The following THSD7B variants were observed in gnomAD, a reference collection of about 807,000 sequenced individuals.
The protein encoded by THSD7B is thrombospondin type-1 domain-containing protein 7B.
THSD7B carries 138 observed loss-of-function variants against 213.6 expected under a neutral mutation model. That is an observed-to-expected ratio of 0.65 (90% CI 0.56 to 0.74). The LOEUF (loss-of-function observed/expected upper bound fraction) is 0.74, where lower values mean the gene tolerates loss of function less well. THSD7B is among the 30% of genes least tolerant of loss of function. The pLI, the probability that THSD7B is intolerant of heterozygous loss-of-function variation, is 0.00. For synonymous variants in THSD7B, 742 were observed against 687.0 expected (o/e 1.08, Z -1.25); for missense variants, 1,931 against 1,991.5 (o/e 0.97, Z 0.58).
At chr2:137,299,945 C>T (rs1276819720) in intron 12 of THSD7B, among the ~76,000 whole-genome samples, 1 of 152,096 alleles carries the variant, frequency 6.6e-6, no homozygotes, top group East Asian at 1.9e-4. Context: ...CATCTGTTCT[C>T]TCAATTAGGC....
intron 1 of THSD7B, among the ~76,000 whole-genome samples, chr2:136,848,388 A>C (rs1333411286): frequency 6.6e-6 from 1 of 152,250 alleles, no homozygotes; most frequent in African/African-American, 2.4e-5. Context: ...ATTTCTAACA[A>C]GTTTCCAGGT....
At chr2:137,314,105 C>T (rs1378718826) in intron 12 of THSD7B, among the ~76,000 whole-genome samples, 2 of 152,158 alleles carry the variant, frequency 1.3e-5, no homozygotes, top group Admixed American at 6.5e-5. Flanking sequence ...AGAGTGTTTT[C>T]CAACTTGGTT....
intron 12 of THSD7B, among the ~76,000 whole-genome samples, chr2:137,397,653 T>A (rs1686227688): frequency 1.3e-5 from 2 of 151,364 alleles, no homozygotes; most frequent in Admixed American, 6.6e-5. Context: ...TTGGAGTTGC[T>A]CTTCTCGAGG....
intron 1 of THSD7B, among the ~76,000 whole-genome samples, chr2:136,832,918 C>T (rs1471295013): frequency 2.0e-5 from 3 of 152,142 alleles, no homozygotes; most frequent in Non-Finnish European, 4.4e-5. Flanking sequence ...CTCACTCTTA[C>T]GTTTGCTTTA....
chr2:136,926,222 C>T (rs1021223879), intron 2 of THSD7B, among the ~76,000 whole-genome samples: 1 of 152,080 alleles, frequency 6.6e-6, no homozygotes, highest in Non-Finnish European at 1.5e-5. Flanking sequence ...CTCATCTTTT[C>T]CCCTGGATTC....
chr2:137,416,829 T>C (rs1474719073), intron 14 of THSD7B, among the ~76,000 whole-genome samples: 1 of 152,214 alleles, frequency 6.6e-6, no homozygotes, highest in East Asian at 1.9e-4. Context: ...AGTTTGGGAA[T>C]AGAGGAAATG....
chr2:137,652,116 C>T (rs1464604050), intron 21 of THSD7B, among the ~76,000 whole-genome samples: 1 of 151,942 alleles, frequency 6.6e-6, no homozygotes, highest in Non-Finnish European at 1.5e-5. Context: ...TGATTATGTG[C>T]CTGTCCTGTC....
chr2:136,991,351 T>C (rs1399072757), intron 2 of THSD7B, among the ~76,000 whole-genome samples: 1 of 152,078 alleles, frequency 6.6e-6, no homozygotes, highest in Non-Finnish European at 1.5e-5. Flanking sequence ...TCTATGATAA[T>C]AGAGTAAGAA....
chr2:137,422,528 T>C (rs911908218), intron 14 of THSD7B, among the ~76,000 whole-genome samples: 2 of 152,168 alleles, frequency 1.3e-5, no homozygotes, highest in Admixed American at 6.5e-5. Context: ...GAAAGATCCA[T>C]TGGGAATAGC....
intron 2 of THSD7B, among the ~76,000 whole-genome samples, chr2:137,006,190 G>T (rs1355021550): frequency 6.6e-6 from 1 of 152,086 alleles, no homozygotes; most frequent in Non-Finnish European, 1.5e-5. Context: ...TCAGGAGATT[G>T]AGACCATCCT....
At chr2:137,570,672 T>C (rs1681336859) in intron 16 of THSD7B, among the ~76,000 whole-genome samples, 1 of 152,222 alleles carries the variant, frequency 6.6e-6, no homozygotes, top group African/African-American at 2.4e-5. Flanking sequence ...CTTGACATTG[T>C]ATCTGAATTG....
intron 5 of THSD7B, among the ~76,000 whole-genome samples, chr2:137,129,265 A>C (rs1188408107): frequency 6.6e-6 from 1 of 152,154 alleles, no homozygotes; most frequent in East Asian, 1.9e-4. Context: ...TCAACTTATT[A>C]AGACTTTTCT....
chr2:137,362,212 T>C (rs942828866), intron 12 of THSD7B, among the ~76,000 whole-genome samples: 2 of 152,086 alleles, frequency 1.3e-5, no homozygotes, highest in Non-Finnish European at 2.9e-5. Flanking sequence ...CAGGCCTGCC[T>C]TACGAGAACT....
chr2:137,576,476 CA>C (rs1451763276), intron 17 of THSD7B, among the ~76,000 whole-genome samples: 2 of 151,968 alleles, frequency 1.3e-5, no homozygotes, highest in Non-Finnish European at 2.9e-5. Flanking sequence ...AAAAAGTGAC[CA>C]AAATCTTTGA....
intron 13 of THSD7B, among the ~76,000 whole-genome samples, chr2:137,409,450 G>A (rs141647764): frequency 3.9e-5 from 6 of 152,344 alleles, no homozygotes; most frequent in African/African-American, 1.4e-4. Flanking sequence ...TGGTAGAATT[G>A]AGAAACGCAG....
At position 137,180,582 on chromosome 2, in the gene THSD7B, A is replaced by G. The variant is rs116046837; in HGVS notation, c.1723+9644A>G. On this transcript the variant is annotated intron_variant, in intron 7 of 27. Transcript: ENST00000409968. ...GAATTTGAAAGAGTTATTTCAATTG[A>G]TTCACACAATAGGCCAATTGGGAAC... 2.6e-3 allele frequency among the ~76,000 whole-genome samples: 397 copies of G among 152,228 alleles called. 2 individuals are homozygous for G. The highest frequency in any genetic ancestry group is 9.0e-3 in the African/African-American group (375 of 41,562).
chr2:137,063,207 TA>T (rs1371184564), intron 3 of THSD7B, among the ~76,000 whole-genome samples: 1 of 149,786 alleles, frequency 6.7e-6, no homozygotes, highest in Non-Finnish European at 1.5e-5. Flanking sequence ...AGATAACATA[TA>T]ATTGGATGCT....
chr2:136,986,261 G>A (rs72848264), intron 2 of THSD7B, among the ~76,000 whole-genome samples: 21,856 of 152,156 alleles, frequency 0.14, 1,654 homozygotes, highest in African/African-American at 0.18. Flanking sequence ...TGGGCAGCCA[G>A]GGATGGAATG....
intron 12 of THSD7B, among the ~76,000 whole-genome samples, chr2:137,309,325 T>C (rs1210316932): frequency 6.6e-6 from 1 of 151,946 alleles, no homozygotes; most frequent in African/African-American, 2.4e-5. Context: ...GTTTGCTTTT[T>C]TGTCTTTCCC....
Sources: allele counts gnomAD v4.1 joint callset (sites outside exome capture counted in the v4.1 genomes callset), GRCh38; gene constraint gnomAD v4.1.1; transcripts MANE v1.5; gene names NCBI Gene and HGNC (gene_info 2026-07-23, HGNC 2026-07-21).